Variants in PCDH15 observed in about 807,000 individuals in gnomAD.
PCDH15 encodes protocadherin related 15, also known as protocadherin-15.
Under a neutral mutation model 178.5 loss-of-function variants are expected in PCDH15, and 129 were observed. That is an observed-to-expected ratio of 0.72 (90% confidence interval 0.63 to 0.84). PCDH15 has a LOEUF of 0.84. Ranked by LOEUF, PCDH15 falls within the 40% of genes least tolerant of loss-of-function variation. PCDH15 has a pLI of 0.00. For synonymous variants in PCDH15, 800 were observed against 732.0 expected, an observed-to-expected ratio of 1.09 and a Z score of -1.50; for missense variants, 2,230 against 2,099.9, an observed-to-expected ratio of 1.06 and a Z score of -1.21.
intron 21 of PCDH15, among the ~76,000 whole-genome samples, chr10:53,990,541 T>C (rs2091399955): frequency 6.7e-6 from 1 of 148,786 alleles, no homozygotes; most frequent in Non-Finnish European, 1.5e-5. Context: ...ATATGTTTTA[T>C]ATATGTTATA....
chr10:54,593,429 T>A (rs2133964386), intron 2 of PCDH15, among the ~76,000 whole-genome samples: 1 of 152,294 alleles, frequency 6.6e-6, no homozygotes, highest in East Asian at 1.9e-4. Flanking sequence ...TTGAAGAAAA[T>A]ACCTTTTCCC....
chr10:54,369,157 G>C lies in PCDH15; in HGVS notation c.437C>G (p.Thr146Ser), dbSNP rs1294148130. Residue 146 changes from threonine (T) to serine (S), a missense_variant, in exon 5 of 38, where the codon ACT (threonine) becomes AGT (serine). By Grantham distance (58) the Thr-to-Ser change is moderately conservative. Transcript: ENST00000644397. The part of the protein sequence containing the change: ...VVRDRNDNSP[T>S]FKHESYYATV... ...GGCATAGTAGCTTTCATGCTTGAAA[G>C]TGGGTGAGTTGTCATTCCTGTCTCT... The C allele has an allele frequency of 6.2e-7, 1 of 1,613,012 alleles. No individual in the cohort carries two copies. Among genetic ancestry groups the C allele is most frequent in the African/African-American group, 1.3e-5 (1 of 74,954 alleles).
intron 2 of PCDH15, among the ~76,000 whole-genome samples, chr10:55,036,040 A>AT (rs1840727684): frequency 6.6e-6 from 1 of 152,166 alleles, no homozygotes; most frequent in Admixed American, 6.5e-5. Flanking sequence ...AAGGAACAGT[A>AT]TTGAGAGGTA....
At chr10:53,971,567 G>T (rs1200038150) in intron 21 of PCDH15, among the ~76,000 whole-genome samples, 1 of 152,136 alleles carries the variant, frequency 6.6e-6, no homozygotes. Context: ...ACCTCCTTAA[G>T]CTGATAAGCA....
chr10:55,411,138 C>T (rs937904929), intron 2 of PCDH15, among the ~76,000 whole-genome samples: 1 of 152,004 alleles, frequency 6.6e-6, no homozygotes, highest in Non-Finnish European at 1.5e-5. Context: ...GTTAATCATA[C>T]CGGATTTGAA....
intron 2 of PCDH15, among the ~76,000 whole-genome samples, chr10:55,539,138 C>T (rs1395855671): frequency 6.6e-6 from 1 of 150,626 alleles, no homozygotes; most frequent in East Asian, 2.0e-4. Flanking sequence ...ATTATTTCCC[C>T]TTATATTTAT....
intron 15 of PCDH15, among the ~76,000 whole-genome samples, chr10:54,094,540 GAAC>G (rs2094663151): frequency 2.0e-5 from 3 of 152,114 alleles, no homozygotes; most frequent in South Asian, 2.1e-4. Context: ...TGAGTTTCAA[GAAC>G]AACAACGAGG....
chr10:54,560,445 A>C (rs2087955420), intron 2 of PCDH15, among the ~76,000 whole-genome samples: 1 of 151,982 alleles, frequency 6.6e-6, no homozygotes, highest in African/African-American at 2.4e-5. Context: ...GTATATTTAG[A>C]TTGTTTTTTG....
chr10:54,042,666 A>C (rs1229709441), intron 18 of PCDH15, among the ~76,000 whole-genome samples: 1 of 152,108 alleles, frequency 6.6e-6, no homozygotes, highest in Non-Finnish European at 1.5e-5. Context: ...AGAGAGCAGG[A>C]GGAGCCAAGT....
At chr10:54,839,362 A>C (rs1030031405) in intron 3 of PCDH15, among the ~76,000 whole-genome samples, 1 of 152,162 alleles carries the variant, frequency 6.6e-6, no homozygotes, top group African/African-American at 2.4e-5. Context: ...TCTGAAGCTG[A>C]AGAATACAAT....
chr10:54,783,512 C>T (rs1289082268), intron 1 of PCDH15, among the ~76,000 whole-genome samples: 1 of 152,000 alleles, frequency 6.6e-6, no homozygotes, highest in Non-Finnish European at 1.5e-5. Context: ...CATCATTCAG[C>T]AAATAAATAT....
chr10:54,569,794 C>A (rs1412333566), intron 2 of PCDH15, among the ~76,000 whole-genome samples: 2 of 152,074 alleles, frequency 1.3e-5, no homozygotes, highest in African/African-American at 4.8e-5. Context: ...ACAGTCTGTC[C>A]TATACATCAA....
intron 8 of PCDH15, among the ~76,000 whole-genome samples, chr10:54,239,432 T>TATAGAGAGAG (rs1554853331): frequency 2.0e-5 from 3 of 150,640 alleles, no homozygotes; most frequent in African/African-American, 7.3e-5. Flanking sequence ...TATATATATA[T>TATAGAGAGAG]AGAGTAAGAA....
intron 2 of PCDH15, among the ~76,000 whole-genome samples, chr10:54,591,201 T>G (rs960871033): frequency 7.2e-5 from 11 of 152,144 alleles, no homozygotes; most frequent in Non-Finnish European, 1.6e-4. Context: ...ATATGTTACC[T>G]TACCTGGTAA....
At chr10:55,198,804 A>G (rs1367298044) in intron 1 of PCDH15, among the ~76,000 whole-genome samples, 4 of 151,894 alleles carry the variant, frequency 2.6e-5, no homozygotes, top group Non-Finnish European at 5.9e-5. Context: ...GTTAAAAAGT[A>G]CTGTGTAGTG....
At chr10:55,326,137 A>T (rs1043233114) in intron 2 of PCDH15, among the ~76,000 whole-genome samples, 2 of 152,224 alleles carry the variant, frequency 1.3e-5, no homozygotes, top group Middle Eastern at 3.4e-3. Context: ...TGCTGGTGGG[A>T]ATGTAAATTC....
At chr10:54,623,230 T>C (rs369294645) in intron 2 of PCDH15, among the ~76,000 whole-genome samples, 1 of 152,108 alleles carries the variant, frequency 6.6e-6, no homozygotes, top group Admixed American at 6.6e-5. Flanking sequence ...AGTAAAACTC[T>C]TGTCCTAGGC....
chr10:53,967,740 A>G (rs1226307632), intron 21 of PCDH15, among the ~76,000 whole-genome samples: 1 of 152,218 alleles, frequency 6.6e-6, no homozygotes, highest in Non-Finnish European at 1.5e-5. Context: ...ATCAATATGA[A>G]AATTTTAAAT....
intron 2 of PCDH15, chr10:54,600,144 G>A (rs115028231): frequency 4.0e-6 from 3 of 757,782 alleles, no homozygotes; most frequent in Non-Finnish European, 6.8e-6. Context: ...AGAAAGCTGA[G>A]TCCCTGGTAA....
Sources: allele counts gnomAD v4.1 joint callset (sites outside exome capture counted in the v4.1 genomes callset), GRCh38; gene constraint gnomAD v4.1.1; transcripts MANE v1.5; gene names NCBI Gene and HGNC (gene_info 2026-07-23, HGNC 2026-07-21).